Variants in DNAAF1 observed in about 807,000 individuals in gnomAD.
The protein encoded by DNAAF1 is dynein axonemal assembly factor 1, also known as dynein assembly factor 1, axonemal.
A neutral mutation model predicts 71.1 loss-of-function variants in DNAAF1; 65 were observed. The ratio of observed to expected loss-of-function variants is 0.91; its 90% CI spans 0.75 to 1.12. The LOEUF is 1.12. Ranked by LOEUF, DNAAF1 falls within the 50% of genes most tolerant of loss-of-function variation. The pLI, the probability that DNAAF1 is intolerant of heterozygous loss-of-function variation, is 0.00. For synonymous variants in DNAAF1, 414 were observed against 354.6 expected, an observed-to-expected ratio of 1.17 and a Z score of -1.88; for missense variants, 1,178 against 899.8, an observed-to-expected ratio of 1.31 and a Z score of -3.96.
Position 84,170,072 on chromosome 16 carries a change from C to T in DNAAF1, c.1244C>T (p.Thr415Ile), listed in dbSNP as rs200666817. The T allele has an allele frequency of 6.2e-7, 1 of 1,613,588 alleles. No homozygotes were observed. The highest frequency in any genetic ancestry group is 2.2e-5 in the East Asian group (1 of 44,866). ...GATGGAGGTCCAGAGCCAGAGGGGA[C>T]CCTCCCAGCTGAGACCCTGCTACTG... ...REDGGPEPEG[T>I]LPAETLLLSS... The change falls in exon 8 of 12, where the codon ACC becomes ATC. Residue 415 changes from threonine (T) to isoleucine (I), a missense_variant. Thr to Ile is a moderately conservative substitution (Grantham distance 89). Coordinates refer to ENST00000378553, the MANE Select transcript of DNAAF1 (RefSeq NM_178452.6).
At chr16:84,146,953 A>T (rs2086943226) in intron 1 of DNAAF1, among the ~76,000 whole-genome samples, 1 of 152,200 alleles carries the variant, frequency 6.6e-6, no homozygotes, top group South Asian at 2.1e-4. Context: ...ACCTTGTATG[A>T]GGAGCCATAG....
At chr16:84,174,592 T>G in intron 9 of DNAAF1, 77 bp from the exon 10 acceptor site, 1 of 1,613,362 alleles carries the variant, frequency 6.2e-7, no homozygotes, top group Non-Finnish European at 8.5e-7. Flanking sequence ...GACTGCGTGT[T>G]TGCCTTTATC....
rs145101948 is a variant in DNAAF1 at position 84,152,782 on chromosome 16, C to G, written c.353-1795C>G. On this transcript the variant is annotated intron_variant, in intron 3 of 11. Transcript: ENST00000378553. ...CAACCTGGCCAACATGGTAAAACCC[C>G]ATCTCTACTAAAAATACAAAAATTA... Among the ~76,000 whole-genome samples the G allele has an allele frequency of 1.2e-3, 184 of 152,010 alleles. 2 individuals are homozygous for G. Among genetic ancestry groups the G allele is most frequent in the African/African-American group, 4.1e-3 (171 of 41,450 alleles).
In DNAAF1 at chr16:84,148,596, C is replaced by CTTTTTTTTTTT. The variant is rs765676142; in HGVS notation, c.125-403_125-393dup. ...AAAGATTACTGTTCTCTCTCTCTCT[C>CTTTTTTTTTTT]TTTTTTTTTTTTTTTTTTGGTGAGA... is the stretch of plus-strand genomic sequence containing the variant. On this transcript the variant is annotated intron_variant, in intron 1 of 11. Coordinates refer to ENST00000378553, the MANE Select transcript of DNAAF1 (RefSeq NM_178452.6). Among the ~76,000 whole-genome samples the CTTTTTTTTTTT allele has an allele frequency of 2.9e-3, 126 of 43,552 alleles. 16 individuals carry two copies. Among genetic ancestry groups the CTTTTTTTTTTT allele is most frequent in the East Asian group, 4.1e-3 (4 of 976 alleles). 28.6% of individuals were successfully genotyped at this position (43,552 alleles called of 152,430 possible). A position where few individuals can be genotyped will look rare whatever the true frequency, so the allele number is the denominator to read the frequency against.
chr16:84,160,585 C>G (rs1000275327), intron 6 of DNAAF1, among the ~76,000 whole-genome samples: 1 of 152,088 alleles, frequency 6.6e-6, no homozygotes, highest in African/African-American at 2.4e-5. Flanking sequence ...TTTTTAAACT[C>G]ACAAATTTAA....
At chr16:84,176,375 ACTCAGCCTT>A in intron 11 of DNAAF1, 76 bp downstream of exon 11, 1 of 1,601,124 alleles carries the variant, frequency 6.2e-7, no homozygotes, top group Non-Finnish European at 8.5e-7. Flanking sequence ...CAGGGCAGTC[ACTCAGCCTT>A]ACCCTGAGCT....
intron 1 of DNAAF1, among the ~76,000 whole-genome samples, chr16:84,146,663 G>A (rs1375594803): frequency 6.6e-6 from 1 of 151,976 alleles, no homozygotes; most frequent in Non-Finnish European, 1.5e-5. Context: ...GTTGCAGTGA[G>A]CCAAGGGGGA....
chr16:84,162,611 G>T (rs1400158677), intron 6 of DNAAF1, among the ~76,000 whole-genome samples: 2 of 151,992 alleles, frequency 1.3e-5, no homozygotes, highest in Non-Finnish European at 2.9e-5. Flanking sequence ...ACCAGGTCAA[G>T]AGATTGAGAC....
rs1177912628 is a variant in DNAAF1, at chr16:84,170,322, C to T, written c.1494C>T (p.Ala498=). 9.9e-6 allele frequency: 16 copies of T among 1,611,874 alleles called. 1 individual carries two copies. Among genetic ancestry groups the T allele is most frequent in the South Asian group, 3.3e-5 (3 of 90,940 alleles). ...CAGAGGGGACCCTCCCAGCTGAGGC[C>T]CCACCACCACCGCCCCTGGGAGCTG... ...REPEGTLPAE[A]PPPPPLGAAR... Residue 498 remains alanine (A), a synonymous_variant, in exon 8 of 12, where the codon GCC becomes GCT. Coordinates refer to ENST00000378553, the MANE Select transcript of DNAAF1 (RefSeq NM_178452.6).
chr16:84,172,702 G>A (rs1044158014), intron 9 of DNAAF1: 1 of 1,197,344 alleles, frequency 8.4e-7, no homozygotes, highest in African/African-American at 1.6e-5. Flanking sequence ...TTGCTAAGTG[G>A]TTCTGACTAG....
chr16:84,146,583 G>A (rs2086921958), intron 1 of DNAAF1, among the ~76,000 whole-genome samples: 1 of 152,148 alleles, frequency 6.6e-6, no homozygotes. Context: ...AGGGCGTGGT[G>A]ACGTGCTCCT....
At chr16:84,159,904 A>G in intron 6 of DNAAF1, 108 bp downstream of exon 6, 1 of 1,368,180 alleles carries the variant, frequency 7.3e-7, no homozygotes, top group East Asian at 2.5e-5. Flanking sequence ...CATATCAAAA[A>G]TGTTCTTTGG....
chr16:84,155,025 T>C (rs1236575758), intron 4 of DNAAF1, among the ~76,000 whole-genome samples: 5 of 151,850 alleles, frequency 3.3e-5, no homozygotes, highest in Non-Finnish European at 7.4e-5. Flanking sequence ...TCTCCTGCCT[T>C]AGCCTCCAAA....
chr16:84,169,143 G>C (rs966779904), intron 7 of DNAAF1, among the ~76,000 whole-genome samples: 1 of 134,168 alleles, frequency 7.5e-6, no homozygotes, highest in Non-Finnish European at 1.5e-5. Context: ...ACAATGCGGT[G>C]ACTCACTGCA....
chr16:84,172,484 G>A, intron 9 of DNAAF1, 109 bp downstream of exon 9: 1 of 1,532,056 alleles, frequency 6.5e-7, no homozygotes, highest in Non-Finnish European at 8.8e-7. Context: ...TGGTCCTTGG[G>A]CCGGCAGGCC....
intron 7 of DNAAF1, among the ~76,000 whole-genome samples, chr16:84,168,167 C>T (rs755128266): frequency 2.0e-5 from 3 of 152,196 alleles, no homozygotes; most frequent in Non-Finnish European, 2.9e-5. Flanking sequence ...CCTTGCCTTT[C>T]TCACCTCCTA....
Position 84,170,363 on chromosome 16 carries a change from T to G in DNAAF1, c.1528+7T>G. 6.2e-7 allele frequency: 1 copy of G among 1,613,582 alleles called. No individual in the cohort carries two copies. Among genetic ancestry groups the G allele is most frequent in the Non-Finnish European group, 8.5e-7 (1 of 1,180,010 alleles). On this transcript the variant is annotated splice_region_variant and intron_variant, in intron 8 of 11. Coordinates refer to ENST00000378553, the MANE Select transcript of DNAAF1 (RefSeq NM_178452.6). ...CTGGGAGCTGCCAGGGAAGGTAATG[T>G]GAGCGGAGAAACACACACAGACACA...
At chr16:84,174,559 G>C in intron 9 of DNAAF1, 110 bp from the exon 10 acceptor site, 5 of 1,598,870 alleles carry the variant, frequency 3.1e-6, no homozygotes, top group Non-Finnish European at 4.3e-6. Context: ...AGTGATTTGA[G>C]TAACTGTAAC....
chr16:84,160,067 T>G (rs1436540029), intron 6 of DNAAF1, among the ~76,000 whole-genome samples: 1 of 152,210 alleles, frequency 6.6e-6, no homozygotes, highest in Non-Finnish European at 1.5e-5. Flanking sequence ...GTAGTATCAC[T>G]GCATTGAAGA....
Sources: gnomAD v4.1 joint callset for allele counts (sites outside exome capture counted in the v4.1 genomes callset) on GRCh38, gnomAD v4.1.1 for gene constraint, MANE v1.5 for transcripts, NCBI Gene and HGNC (gene_info 2026-07-23, HGNC 2026-07-21) for gene names.